Variants in TFRC observed in about 807,000 individuals in gnomAD.
TFRC encodes transferrin receptor, also known as transferrin receptor protein 1.
In TFRC, 35 loss-of-function variants were observed where a neutral mutation model predicts 85.8. The observed-to-expected ratio is 0.41, with a 90% CI of 0.31 to 0.54. The LOEUF is 0.54. Among genes scored for constraint, TFRC ranks in the 20% least tolerant of loss-of-function variants. TFRC has a pLI of 0.31. For synonymous variants in TFRC, 362 were observed against 328.6 expected (o/e 1.10, Z -1.10); for missense variants, 828 against 921.5 (o/e 0.90, Z 1.31).
At chr3:196,056,420 T>TA (rs1000851863) in intron 16 of TFRC, among the ~76,000 whole-genome samples, 1 of 151,926 alleles carries the variant, frequency 6.6e-6, no homozygotes, top group African/African-American at 2.4e-5. Context: ...TTGTTGTTGT[T>TA]AGACGATCTT....
At chr3:196,062,771 C>A in intron 12 of TFRC, 83 bp downstream of exon 12, 1 of 1,571,444 alleles carries the variant, frequency 6.4e-7, no homozygotes, top group South Asian at 1.1e-5. Flanking sequence ...GTGGTAAAAT[C>A]AAACCTATAA....
intron 13 of TFRC, chr3:196,060,478 T>C (rs576165110): frequency 2.1e-6 from 1 of 483,452 alleles, no homozygotes; most frequent in East Asian, 3.7e-5. Context: ...TTGCATACTT[T>C]AATCCAAGTC....
chr3:196,079,421 G>C (rs1718981029), intron 1 of TFRC, among the ~76,000 whole-genome samples: 1 of 151,934 alleles, frequency 6.6e-6, no homozygotes, highest in Non-Finnish European at 1.5e-5. Flanking sequence ...AGACTAGCCT[G>C]ACCAAACATG....
At chr3:196,052,597 C>A (rs901153241) in intron 18 of TFRC, among the ~76,000 whole-genome samples, 1 of 151,992 alleles carries the variant, frequency 6.6e-6, no homozygotes, top group African/African-American at 2.4e-5. Context: ...TGCACCACCA[C>A]GCCCAGCTAA....
Position 196,074,058 on chromosome 3 carries a change from T to C in TFRC, c.306A>G (p.Ala102=), listed in dbSNP as rs200479625. 1.3e-5 allele frequency: 21 copies of C among 1,614,168 alleles called. No homozygotes were observed. The African/African-American group carries it at 1.9e-4, about 14-fold the overall frequency. The change falls in exon 4 of 19, where the codon GCA becomes GCG. Residue 102 remains alanine (A), a synonymous_variant. Transcript: ENST00000360110. ...VEPKTECERL[A]GTESPVREEP... ...CCTCCCTCACTGGAGACTCGGTTCC[T>C]GCCAGTCTCTCACACTCAGTTTTTG...
chr3:196,069,101 C>T (rs984611870), intron 7 of TFRC, among the ~76,000 whole-genome samples: 52 of 152,042 alleles, frequency 3.4e-4, no homozygotes, highest in Non-Finnish European at 7.4e-5. Context: ...CAGGTGTGAG[C>T]CCTGCCACTT....
At position 196,068,136 on chromosome 3, in the gene TFRC, A is replaced by G. The variant is rs777954865; in HGVS notation, c.802-6T>C. The G allele has an allele frequency of 1.4e-5, 23 of 1,603,986 alleles. No homozygotes were observed. On this transcript the variant is annotated splice_region_variant and splice_polypyrimidine_tract_variant and intron_variant, in intron 7 of 18. Coordinates refer to ENST00000360110, the MANE Select transcript of TFRC (RefSeq NM_001128148.3). ...AAGCTTTCAGCATTTGCAACCTAAAAGAAAACATATAAAGCTCAGAAAATG... is the reference window on the plus strand; with the variant it reads ...AAGCTTTCAGCATTTGCAACCTAAAGGAAAACATATAAAGCTCAGAAAATG...
intron 3 of TFRC, 106 bp from the exon 4 acceptor site, chr3:196,074,231 A>C (rs1227038200): frequency 1.9e-6 from 2 of 1,075,740 alleles, no homozygotes; most frequent in East Asian, 4.9e-5. Flanking sequence ...GGTTTTCATC[A>C]AATTCTAAGT....
chr3:196,058,102 C>T, intron 16 of TFRC, 182 bp downstream of exon 16: 1 of 480,382 alleles, frequency 2.1e-6, no homozygotes, highest in Non-Finnish European at 3.8e-6. Flanking sequence ...AGAATAATTA[C>T]CTCAAAGTAA....
At chr3:196,063,755 A>G (rs1717477303) in intron 11 of TFRC, among the ~76,000 whole-genome samples, 1 of 152,094 alleles carries the variant, frequency 6.6e-6, no homozygotes, top group African/African-American at 2.4e-5. Context: ...TGTCTCTAGT[A>G]AAAATACAAA....
rs1012621529 is a variant in TFRC at position 196,055,001 on chromosome 3, AG to A, written c.1899+78del. On this transcript the variant is annotated intron_variant, in intron 17 of 18. Transcript: ENST00000360110. Reference sequence around the variant, plus strand: ...CTATGGCTACAATCACCCTTCCAACAGGAACACACAGGAACACATCACATTT... The same window carrying A: ...CTATGGCTACAATCACCCTTCCAACAGAACACACAGGAACACATCACATTT... The A allele has an allele frequency of 8.9e-6, 12 of 1,354,706 alleles. No individual in the cohort carries two copies. The African/African-American group carries it at 1.4e-4, about 16-fold the overall frequency. The allele number at this position is 1,354,706 out of a possible 1,614,324, so 83.9% of individuals were successfully genotyped here.
Position 196,051,930 on chromosome 3 carries a change from T to C in TFRC, c.*12A>G, listed in dbSNP as rs761347442. 1.1e-5 allele frequency: 17 copies of C among 1,612,874 alleles called. No homozygotes were observed. Among genetic ancestry groups the C allele is most frequent in the East Asian group, 8.9e-5 (4 of 44,886 alleles). On this transcript the variant is annotated 3_prime_UTR_variant, in exon 19 of 19. Transcript: ENST00000360110. Reference sequence around the variant, plus strand: ...TACCCTGCTGTTCTCATGGAAGCTATGGGTATCACATTTAAAACTCATTGT... The same window carrying C: ...TACCCTGCTGTTCTCATGGAAGCTACGGGTATCACATTTAAAACTCATTGT...
chr3:196,054,542 G>A (rs1189386077), intron 17 of TFRC, among the ~76,000 whole-genome samples: 2 of 152,200 alleles, frequency 1.3e-5, no homozygotes, highest in Admixed American at 6.5e-5. Context: ...TTTAATATTA[G>A]TTTTATTAAT....
At position 196,055,013 on chromosome 3, in the gene TFRC, G is replaced by C. The variant is rs1481802991; in HGVS notation, c.1899+67C>G. On this transcript the variant is annotated intron_variant, in intron 17 of 18. Coordinates refer to ENST00000360110, the MANE Select transcript of TFRC (RefSeq NM_001128148.3). The stretch of plus-strand genomic sequence containing the variant: ...TCACCCTTCCAACAGGAACACACAG[G>C]AACACATCACATTTCAAAATACTTG... 2.1e-6 allele frequency: 3 copies of C among 1,459,326 alleles called. No homozygotes were observed. In the African/African-American group the frequency reaches 4.2e-5, roughly 20 times the overall value. 90.4% of individuals were successfully genotyped at this position (1,459,326 alleles called of 1,614,324 possible).
chr3:196,062,311 C>T (rs895016669), intron 13 of TFRC: 17 of 379,592 alleles, frequency 4.5e-5, no homozygotes, highest in Non-Finnish European at 5.2e-5. Flanking sequence ...GCAGGCAGAT[C>T]GCCTGAGGTC....
At chr3:196,064,178 G>T in intron 11 of TFRC, 131 bp downstream of exon 11, 1 of 996,238 alleles carries the variant, frequency 1.0e-6, no homozygotes, top group South Asian at 2.3e-5. Flanking sequence ...AAGACAATCT[G>T]CCTTGTATTT....
At chr3:196,058,479 A>T (rs959904446) in intron 15 of TFRC, 95 bp downstream of exon 15, 1 of 1,476,146 alleles carries the variant, frequency 6.8e-7, no homozygotes, top group African/African-American at 1.4e-5. Context: ...AGGTGTAAGT[A>T]AGTTCAATGC....
rs1718589969 is a variant in TFRC at position 196,075,305 on chromosome 3, C to T, written c.92G>A (p.Gly31Asp). The change falls in exon 3 of 19, where the codon GGC (glycine) becomes GAC (aspartate). Residue 31 changes from glycine (G) to aspartate (D), a missense_variant. Transcript: ENST00000360110. The part of the protein sequence containing the change: ...TRFSLARQVD[G>D]DNSHVEMKLA... ...TTTCATCTCCACATGACTGTTATCG[C>T]CATCTACTTGCCGAGCCAGGCTGAA... 1.9e-6 allele frequency: 3 copies of T among 1,614,012 alleles called. No homozygotes were observed. Among genetic ancestry groups the T allele is most frequent in the South Asian group, 1.1e-5 (1 of 91,088 alleles).
Position 196,051,860 on chromosome 3 carries a change from C to G in TFRC, c.*82G>C, listed in dbSNP as rs546731430. On this transcript the variant is annotated 3_prime_UTR_variant, in exon 19 of 19. Coordinates refer to ENST00000360110, the MANE Select transcript of TFRC (RefSeq NM_001128148.3). ...GAATTTTAACATCAGGTTTTGTAGCCCTACTGAAAATTTAGCACGATCAGC... is the reference window on the plus strand; with the variant it reads ...GAATTTTAACATCAGGTTTTGTAGCGCTACTGAAAATTTAGCACGATCAGC... 6 of 1,507,206 alleles carry G rather than the reference C, an allele frequency of 4.0e-6. No homozygotes were observed. Among genetic ancestry groups the G allele is most frequent in the Non-Finnish European group, 4.5e-6 (5 of 1,114,238 alleles). The allele number at this position is 1,507,206 out of a possible 1,614,324, so 93.4% of individuals were successfully genotyped here. A position where few individuals can be genotyped will look rare whatever the true frequency, so the allele number is the denominator to read the frequency against.
Sources: allele counts gnomAD v4.1 joint callset (sites outside exome capture counted in the v4.1 genomes callset), GRCh38; gene constraint gnomAD v4.1.1; transcripts MANE v1.5; gene names NCBI Gene and HGNC (gene_info 2026-07-23, HGNC 2026-07-21).